RABL6: variants seen among roughly 807,000 people sequenced by gnomAD.
RABL6 encodes the protein rab-like protein 6.
A neutral mutation model predicts 72.9 loss-of-function variants in RABL6; 28 were observed. That is an observed-to-expected ratio of 0.38 (90% confidence interval 0.28 to 0.53). The LOEUF is 0.53. Among genes scored for constraint, RABL6 ranks in the 20% least tolerant of loss-of-function variants. RABL6 has a pLI of 0.80. For missense variants in RABL6, 1,029 were observed against 1,008.4 expected (o/e 1.02, Z -0.28); for synonymous variants, 477 against 421.2 (o/e 1.13, Z -1.62).
At position 136,831,761 on chromosome 9, in the gene RABL6, A is replaced by C. The variant is rs947893991; in HGVS notation, c.499A>C (p.Thr167Pro). 6.2e-7 allele frequency: 1 copy of C among 1,613,286 alleles called. No homozygotes were observed. The highest frequency in any genetic ancestry group is 1.3e-5 in the African/African-American group (1 of 74,898). The change falls in exon 6 of 15, where the codon ACC (threonine) becomes CCC (proline). Residue 167 changes from threonine (T) to proline (P), a missense_variant. By Grantham distance (38) the Thr-to-Pro change is conservative (BLOSUM62 -1). Around this residue, in one of 2 missense-constraint regions of RABL6, gnomAD observed 434 missense variants for 536.1 expected, o/e 0.81. Transcript: ENST00000311502. ...TCTCCGGGAGCTTCCAAAAGTGCCC[A>C]CCCACGTGCCAGTGTGCGTGCTGGG... ...YILRELPKVP[T>P]HVPVCVLGNY...
chr9:136,834,127 T>G, intron 7 of RABL6: 2 of 1,314,248 alleles, frequency 1.5e-6, no homozygotes, highest in Non-Finnish European at 1.9e-6. Context: ...GACCCCTGTT[T>G]CCTCTTTGTC....
chr9:136,839,325 C>A lies in RABL6; in HGVS notation c.1597C>A (p.Arg533Ser), dbSNP rs762824514. The change falls in exon 12 of 15, where the codon CGC (arginine) becomes AGC (serine). Residue 533 changes from arginine (R) to serine (S), a missense_variant. By Grantham distance (110) the Arg-to-Ser change is moderately radical. Transcript: ENST00000311502. ...GVSVRTGPEK[R>S]SSTRPPAEME... ...CTCTGTTCGCACAGGTCCGGAGAAG[C>A]GCAGCAGCACCAGGCCCCCTGCTGA... The A allele has an allele frequency of 4.3e-6, 7 of 1,612,380 alleles. No individual in the cohort carries two copies. The highest frequency in any genetic ancestry group is 1.7e-5 in the Admixed American group (1 of 59,952).
chr9:136,840,891 C>A lies in RABL6; in HGVS notation c.*369C>A. On this transcript the variant is annotated 3_prime_UTR_variant, in exon 15 of 15. Transcript: ENST00000311502. ...CCGCTTGGCTGTGGGGTGTGCGCTG[C>A]CCCGGCACCTGCTTGCCCTCCGCGC... The A allele has an allele frequency of 6.6e-7, 1 of 1,510,722 alleles. No homozygotes were observed. Among genetic ancestry groups the A allele is most frequent in the Non-Finnish European group, 8.9e-7 (1 of 1,125,196 alleles). The allele number at this position is 1,510,722 out of a possible 1,614,324, so 93.6% of individuals were successfully genotyped here.
At chr9:136,810,890 A>G (rs946433211) in intron 1 of RABL6, among the ~76,000 whole-genome samples, 3 of 152,200 alleles carry the variant, frequency 2.0e-5, no homozygotes, top group East Asian at 1.9e-4. Context: ...CAGACCAGCA[A>G]TGTGATCAAG....
intron 1 of RABL6, among the ~76,000 whole-genome samples, chr9:136,818,991 C>T (rs1256489470): frequency 5.3e-5 from 8 of 152,088 alleles, no homozygotes; most frequent in African/African-American, 1.9e-4. Flanking sequence ...TGCAAATCTT[C>T]CAAATAAATA....
At chr9:136,829,620 G>T in intron 5 of RABL6, 136 bp downstream of exon 5, 1 of 810,000 alleles carries the variant, frequency 1.2e-6, no homozygotes, top group South Asian at 1.6e-5. Flanking sequence ...GGCAGCTGTG[G>T]CAGCTCAGCC....
rs745696678 is a variant in RABL6, at chr9:136,839,699, C to T, written c.1764C>T (p.Asp588=). 1.3e-5 allele frequency: 20 copies of T among 1,582,186 alleles called. No homozygotes were observed. The highest frequency in any genetic ancestry group is 1.6e-5 in the Non-Finnish European group (19 of 1,160,956). ...AGTTGCTCTCCCTGCTCCAGGATGA[C>T]TTTCCCGTGCGAGATGACCCCTCCG... ...EGSDTQRRAD[D]FPVRDDPSDV... The change falls in exon 13 of 15, where the codon GAC becomes GAT. Residue 588 remains aspartate, a synonymous_variant. Transcript: ENST00000311502.
chr9:136,831,680 G>C (rs768401114), intron 5 of RABL6, 41 bp from the exon 6 acceptor site: 2 of 1,608,688 alleles, frequency 1.2e-6, no homozygotes, highest in Non-Finnish European at 1.7e-6. Flanking sequence ...ACAGGGCGTC[G>C]CAGGGCTGAA....
intron 1 of RABL6, chr9:136,808,985 C>T (rs557664664): frequency 2.4e-4 from 36 of 152,316 alleles, no homozygotes; most frequent in African/African-American, 7.7e-4. Context: ...ACGCTCCATT[C>T]CTTTGTTATA....
In RABL6 at chr9:136,837,696, C is replaced by A. The variant is rs764047634; in HGVS notation, c.1126+34C>A. 2.6e-6 allele frequency: 4 copies of A among 1,552,718 alleles called. No homozygotes were observed. In the South Asian group the frequency reaches 3.6e-5, roughly 14 times the overall value. On this transcript the variant is annotated intron_variant, in intron 9 of 14. Transcript: ENST00000311502. ...TGGAGCTGCCCCTCCCAAACTGGTCCCAGACCCCCAGGCCCTCACAGGTGG... is the reference window on the plus strand; with the variant it reads ...TGGAGCTGCCCCTCCCAAACTGGTCACAGACCCCCAGGCCCTCACAGGTGG...
intron 8 of RABL6, chr9:136,836,403 G>A (rs988055642): frequency 6.6e-6 from 1 of 152,588 alleles, no homozygotes; most frequent in Admixed American, 6.5e-5. Context: ...CCTCCCCTGG[G>A]ACCCAGGCAG....
At chr9:136,818,637 C>T (rs1013160453) in intron 1 of RABL6, among the ~76,000 whole-genome samples, 1 of 151,226 alleles carries the variant, frequency 6.6e-6, no homozygotes, top group African/African-American at 2.4e-5. Context: ...CTCAGCTACT[C>T]GAGAGGCTGA....
Position 136,838,958 on chromosome 9 carries a change from G to T in RABL6, c.1330G>T (p.Asp444Tyr), listed in dbSNP as rs372102835. The change falls in exon 11 of 15, where the codon GAT becomes TAT. Residue 444 changes from aspartate (D) to tyrosine (Y), a missense_variant. Coordinates refer to ENST00000311502, the MANE Select transcript of RABL6 (RefSeq NM_024718.5). ...GNPMVAGFQDDVDLEDQPRGS... is the reference protein window; with the variant it reads ...GNPMVAGFQDYVDLEDQPRGS... ...CCCGATGGTGGCAGGGTTCCAGGAC[G>T]ATGTGGACCTCGAAGACCAGCCACG... The T allele has an allele frequency of 2.5e-6, 4 of 1,610,682 alleles. No homozygotes were observed. Among genetic ancestry groups the T allele is most frequent in the Non-Finnish European group, 2.5e-6 (3 of 1,179,072 alleles).
intron 1 of RABL6, chr9:136,821,346 G>T (rs1019915477): frequency 1.0e-6 from 1 of 985,320 alleles, no homozygotes; most frequent in African/African-American, 1.7e-5. Context: ...GGAAAGACCC[G>T]GAGACGGGAC....
chr9:136,835,920 A>G, intron 8 of RABL6, 75 bp downstream of exon 8: 3 of 1,364,698 alleles, frequency 2.2e-6, no homozygotes, highest in East Asian at 5.0e-5. Context: ...CATGGGCTGC[A>G]CCAAGGAGAC....
intron 1 of RABL6, chr9:136,813,293 CT>C: frequency 1.6e-6 from 1 of 616,934 alleles, no homozygotes. Flanking sequence ...CATGCACACC[CT>C]TTAGATTTGC....
At chr9:136,816,816 T>A (rs1848129268) in intron 1 of RABL6, among the ~76,000 whole-genome samples, 1 of 152,146 alleles carries the variant, frequency 6.6e-6, no homozygotes, top group Non-Finnish European at 1.5e-5. Context: ...TTAGCTTTTT[T>A]AAAAAAGAGT....
Position 136,841,158 on chromosome 9 carries a change from C to A in RABL6, c.*636C>A. ...AGGCACTCCTCCCAAACACTCCACT[C>A]AGACCATAAAGCACTCCTGTTTCAC... On this transcript the variant is annotated 3_prime_UTR_variant, in exon 15 of 15. Transcript: ENST00000311502. 3 of 833,434 alleles carry A rather than the reference C, an allele frequency of 3.6e-6. No individual in the cohort carries two copies. Among genetic ancestry groups the A allele is most frequent in the Non-Finnish European group, 5.1e-6 (3 of 583,762 alleles). The allele number at this position is 833,434 out of a possible 1,614,324, so 51.6% of individuals were successfully genotyped here.
At chr9:136,829,282 T>C in intron 4 of RABL6, 111 bp from the exon 5 acceptor site, 1 of 817,616 alleles carries the variant, frequency 1.2e-6, no homozygotes, top group African/African-American at 1.7e-5. Context: ...CAAATGGAAA[T>C]GGCTGTTATC....
Sources: gnomAD v4.1 joint callset for allele counts (sites outside exome capture counted in the v4.1 genomes callset) on GRCh38, gnomAD v4.1.1 for gene constraint, gnomAD v4.1.1 regional missense constraint, MANE v1.5 for transcripts, NCBI Gene and HGNC (gene_info 2026-07-23, HGNC 2026-07-21) for gene names.